The following COMMD8 variants were observed in gnomAD, a reference collection of about 807,000 sequenced individuals.
The protein encoded by COMMD8 is COMM domain-containing protein 8.
Under a neutral mutation model 27.2 loss-of-function variants are expected in COMMD8, and 28 were observed. That is an observed-to-expected ratio of 1.03 (90% CI 0.76 to 1.41). The LOEUF is 1.41. Among genes scored for constraint, COMMD8 ranks in the 40% most tolerant of loss-of-function variants. The probability of loss-of-function intolerance (pLI) is 0.00; values close to 1 mark genes in which losing one functional copy is unlikely to be tolerated. For missense variants in COMMD8, 217 were observed against 211.2 expected (o/e 1.03, Z -0.17); for synonymous variants, 79 against 75.5 (o/e 1.05, Z -0.24).
intron 2 of COMMD8, 76 bp from the exon 3 acceptor site, chr4:47,456,805 C>T (rs1729903190): frequency 5.6e-6 from 6 of 1,079,352 alleles, no homozygotes; most frequent in Non-Finnish European, 7.8e-6. Context: ...CTTTTGCACA[C>T]TTTTAAAGCA....
Position 47,453,168 on chromosome 4 carries a change from A to T in COMMD8, c.422T>A (p.Leu141Ter), listed in dbSNP as rs777473911. 4.3e-6 allele frequency: 7 copies of T among 1,613,982 alleles called. No homozygotes were observed. The African/African-American group carries it at 8.0e-5, about 18-fold the overall frequency. ...TTCTTTTACATCTAGATGCAGGCTTAAAAGTGGCATTCGTAATGCAGCAAT... is the reference window on the plus strand; with the variant it reads ...TTCTTTTACATCTAGATGCAGGCTTTAAAGTGGCATTCGTAATGCAGCAAT... ...DKIAALRMPL[L>*]SLHLDVKENG... The change falls in exon 4 of 5, where the codon TTA becomes TAA. Residue 141 changes from leucine to a stop codon, truncating the protein, a stop_gained. Coordinates refer to ENST00000381571, the MANE Select transcript of COMMD8 (RefSeq NM_017845.5). LOFTEE classifies it high-confidence loss of function.
chr4:47,453,861 C>T (rs1011012450), intron 3 of COMMD8, among the ~76,000 whole-genome samples: 3 of 152,178 alleles, frequency 2.0e-5, no homozygotes, highest in African/African-American at 7.2e-5. Flanking sequence ...TTTCTAGAAT[C>T]TGAGCCAGAA....
chr4:47,463,529 C>G, intron 1 of COMMD8, 57 bp downstream of exon 1: 4 of 1,492,060 alleles, frequency 2.7e-6, no homozygotes, highest in Admixed American at 2.0e-5. Context: ...CTGATCCGCA[C>G]GCCGGGCTGT....
At position 47,459,981 on chromosome 4, in the gene COMMD8, C is replaced by A. The variant is rs1729982725; in HGVS notation, c.222+163G>T. The A allele has an allele frequency of 7.8e-6, 4 of 515,512 alleles. No individual in the cohort carries two copies. In the South Asian group the frequency reaches 1.7e-4, roughly 22 times the overall value. The allele number at this position is 515,512 out of a possible 1,614,324, so 31.9% of individuals were successfully genotyped here. A position where few individuals can be genotyped will look rare whatever the true frequency, so the allele number is the denominator to read the frequency against. On this transcript the variant is annotated intron_variant, in intron 2 of 4. Coordinates refer to ENST00000381571, the MANE Select transcript of COMMD8 (RefSeq NM_017845.5). ...ACAAAAGAGTAAAAACAACCAAAAA[C>A]AAAACTGCAAAAACCTAGGACTTCC...
intron 2 of COMMD8, among the ~76,000 whole-genome samples, chr4:47,458,916 G>A (rs1197060300): frequency 2.0e-5 from 3 of 151,942 alleles, no homozygotes; most frequent in African/African-American, 7.2e-5. Flanking sequence ...CAATATTGTG[G>A]GGCAAGGATG....
Position 47,450,810 on chromosome 4 carries a change from T to C in COMMD8, c.*835A>G, listed in dbSNP as rs1729732820. On this transcript the variant is annotated 3_prime_UTR_variant, in exon 5 of 5. Transcript: ENST00000381571. ...ACTTTTCATTTGCTCAGAATGCTTGTTGTTAAAGTTAACTGAGGTTACAAA... is the reference window on the plus strand; with the variant it reads ...ACTTTTCATTTGCTCAGAATGCTTGCTGTTAAAGTTAACTGAGGTTACAAA... 6.6e-6 allele frequency: 1 copy of C among 152,238 alleles called. No homozygotes were observed. The highest frequency in any genetic ancestry group is 1.5e-5 in the Non-Finnish European group (1 of 68,038). The allele number at this position is 152,238 out of a possible 1,614,324, so 9.4% of individuals were successfully genotyped here. A position where few individuals can be genotyped will look rare whatever the true frequency, so the allele number is the denominator to read the frequency against.
intron 3 of COMMD8, among the ~76,000 whole-genome samples, chr4:47,453,601 T>C (rs556434603): frequency 6.6e-6 from 1 of 152,202 alleles, no homozygotes; most frequent in South Asian, 2.1e-4. Context: ...AAAATAGTGG[T>C]AAACTCTCAG....
Position 47,453,261 on chromosome 4 carries a change from T to G in COMMD8, c.376-47A>C, listed in dbSNP as rs62297857. ...GCAATTAATAAATAGTAAAAAGAAC[T>G]ATATTGAGTATACATCAGAGGTTAG... On this transcript the variant is annotated intron_variant, in intron 3 of 4. Transcript: ENST00000381571. 6.2e-3 allele frequency: 9,135 copies of G among 1,483,102 alleles called. 45 individuals carry two copies. The highest frequency in any genetic ancestry group is 7.9e-3 in the Non-Finnish European group (8,512 of 1,073,304). 91.9% of individuals were successfully genotyped at this position (1,483,102 alleles called of 1,614,324 possible). A position where few individuals can be genotyped will look rare whatever the true frequency, so the allele number is the denominator to read the frequency against.
At chr4:47,455,153 A>G (rs1331743702) in intron 3 of COMMD8, among the ~76,000 whole-genome samples, 1 of 151,896 alleles carries the variant, frequency 6.6e-6, no homozygotes, top group Non-Finnish European at 1.5e-5. Flanking sequence ...AGCTGGGACT[A>G]CAGGCACACA....
At chr4:47,455,086 T>A (rs1729854921) in intron 3 of COMMD8, among the ~76,000 whole-genome samples, 1 of 152,016 alleles carries the variant, frequency 6.6e-6, no homozygotes, top group Non-Finnish European at 1.5e-5. Context: ...TGATCTTGGT[T>A]CACTGCAAGC....
rs201423716 is a variant in COMMD8, at chr4:47,453,138, C to T, written c.452G>A (p.Gly151Asp). Reference protein sequence around the residue: ...LSLHLDVKENGEVKPYSIEMS... With the variant: ...LSLHLDVKENDEVKPYSIEMS... The stretch of plus-strand genomic sequence containing the variant: ...TTCAATAGAATAAGGTTTTACTTCA[C>T]CATTTTCTTTTACATCTAGATGCAG... The change falls in exon 4 of 5, where the codon GGT (glycine) becomes GAT (aspartate). Residue 151 changes from glycine (G) to aspartate (D), a missense_variant. Coordinates refer to ENST00000381571, the MANE Select transcript of COMMD8 (RefSeq NM_017845.5). 4 of 1,613,826 alleles carry T rather than the reference C, an allele frequency of 2.5e-6. No individual in the cohort carries two copies. Among genetic ancestry groups the T allele is most frequent in the African/African-American group, 1.3e-5 (1 of 75,034 alleles).
At chr4:47,452,983 T>A (rs1729790715) in intron 4 of COMMD8, 76 bp downstream of exon 4, 1 of 1,308,958 alleles carries the variant, frequency 7.6e-7, no homozygotes, top group Middle Eastern at 2.0e-4. Context: ...GGTGACAGAG[T>A]GAGACTCCAA....
intron 1 of COMMD8, among the ~76,000 whole-genome samples, chr4:47,461,063 A>T (rs904074884): frequency 3.3e-5 from 5 of 152,126 alleles, no homozygotes; most frequent in Admixed American, 2.0e-4. Flanking sequence ...TATTCTCTTA[A>T]TCTTGCTGTA....
intron 4 of COMMD8, 66 bp downstream of exon 4, chr4:47,452,993 A>G: frequency 2.8e-6 from 4 of 1,424,810 alleles, no homozygotes; most frequent in Non-Finnish European, 3.8e-6. Context: ...TGAGACTCCA[A>G]CGCAAACAAA....
chr4:47,460,418 A>T, intron 1 of COMMD8, 119 bp from the exon 2 acceptor site: 1 of 754,198 alleles, frequency 1.3e-6, no homozygotes, highest in Non-Finnish European at 2.1e-6. Flanking sequence ...AGCTTAAGTT[A>T]AAATGTATAA....
chr4:47,456,267 CATATATATAT>C (rs34279197), intron 3 of COMMD8, among the ~76,000 whole-genome samples: 5,121 of 119,006 alleles, frequency 0.043, 157 homozygotes, highest in Non-Finnish European at 0.06. Context: ...ATAAATTATA[CATATATATAT>C]ATATATATAT....
At chr4:47,453,884 A>G (rs941990108) in intron 3 of COMMD8, among the ~76,000 whole-genome samples, 15 of 152,144 alleles carry the variant, frequency 9.9e-5, no homozygotes, top group Non-Finnish European at 1.9e-4. Context: ...ATCCACAAAA[A>G]CTGAATCTTT....
At chr4:47,463,447 A>G in intron 1 of COMMD8, 139 bp downstream of exon 1, 1 of 801,212 alleles carries the variant, frequency 1.2e-6, no homozygotes, top group South Asian at 1.7e-5. Context: ...GCGGGGACCA[A>G]CCACCCGAAA....
rs774550074 is a variant in COMMD8 at position 47,453,215 on chromosome 4, C to G, written c.376-1G>C. 1 of 1,611,588 alleles carries G rather than the reference C, an allele frequency of 6.2e-7. No homozygotes were observed. Among genetic ancestry groups the G allele is most frequent in the Non-Finnish European group, 8.5e-7 (1 of 1,179,016 alleles). ...CAATCTTGTCACTGGAAAGTGCAAG[C>G]TGTTTAAAATCAGAAAAATAGCAAT... On this transcript the variant is annotated splice_acceptor_variant, in intron 3 of 4. Coordinates refer to ENST00000381571, the MANE Select transcript of COMMD8 (RefSeq NM_017845.5). LOFTEE classifies it high-confidence loss of function.
Sources: gnomAD v4.1 joint callset for allele counts (sites outside exome capture counted in the v4.1 genomes callset) on GRCh38, gnomAD v4.1.1 for gene constraint, MANE v1.5 for transcripts, NCBI Gene and HGNC (gene_info 2026-07-23, HGNC 2026-07-21) for gene names.